Variants in TNFSF4 observed in about 807,000 individuals in gnomAD.
TNFSF4 encodes the protein tumor necrosis factor ligand superfamily member 4.
A neutral mutation model predicts 7.3 loss-of-function variants in TNFSF4; 4 were observed. The ratio of observed to expected loss-of-function variants is 0.55; its 90% CI spans 0.27 to 1.25. The LOEUF (loss-of-function observed/expected upper bound fraction) is 1.25. TNFSF4 is among the 50% of genes most tolerant of loss of function. The probability of loss-of-function intolerance (pLI) is 0.12; values close to 1 mark genes in which losing one functional copy is unlikely to be tolerated. For missense variants in TNFSF4, 181 were observed against 208.8 expected (o/e 0.87, Z 0.82); for synonymous variants, 76 against 83.7 (o/e 0.91, Z 0.50).
the TNFSF4 span, among the ~76,000 whole-genome samples, chr1:173,432,894 T>C: frequency 6.6e-6 from 1 of 152,210 alleles, no homozygotes; most frequent in Non-Finnish European, 1.5e-5. Context: ...GTATTTGCTA[T>C]TAAGAGAAGA....
At chr1:173,426,356 GGTCAGAGATACCTT>G in the TNFSF4 span, among the ~76,000 whole-genome samples, 2 of 152,074 alleles carry the variant, frequency 1.3e-5, no homozygotes, top group African/African-American at 2.4e-5. Context: ...GACAGGAGGT[GGTCAGAGATACCTT>G]GTTTCCATGG....
At chr1:173,441,124 C>T in the TNFSF4 span, among the ~76,000 whole-genome samples, 1 of 152,194 alleles carries the variant, frequency 6.6e-6, no homozygotes, top group African/African-American at 2.4e-5. Flanking sequence ...AACAGTTCAA[C>T]TCCAACCACC....
chr1:173,202,075 A>T (rs1260430952), intron 1 of TNFSF4, among the ~76,000 whole-genome samples: 1 of 150,596 alleles, frequency 6.6e-6, no homozygotes, highest in Non-Finnish European at 1.5e-5. Flanking sequence ...ATATATACAC[A>T]CACACATACA....
At chr1:173,252,968 C>A in the TNFSF4 span, among the ~76,000 whole-genome samples, 2 of 152,202 alleles carry the variant, frequency 1.3e-5, no homozygotes, top group Admixed American at 1.3e-4. Context: ...ATGGGCTCAG[C>A]CATGGTCAAA....
intron 1 of TNFSF4, chr1:173,205,416 C>A (rs1337456160): frequency 1.9e-6 from 3 of 1,601,476 alleles, no homozygotes; most frequent in African/African-American, 2.7e-5. Flanking sequence ...CCCTCTTTTT[C>A]TCAACATCTC....
the TNFSF4 span, among the ~76,000 whole-genome samples, chr1:173,257,779 C>T: frequency 6.6e-6 from 1 of 152,140 alleles, no homozygotes; most frequent in Admixed American, 6.5e-5. Flanking sequence ...ACTAGAGAGG[C>T]TCACCCAAGC....
the TNFSF4 span, among the ~76,000 whole-genome samples, chr1:173,370,192 G>T: frequency 6.6e-6 from 1 of 152,290 alleles, no homozygotes; most frequent in South Asian, 2.1e-4. Flanking sequence ...AGGGTCTAGG[G>T]CAAACCTTCA....
chr1:173,322,169 T>G, the TNFSF4 span, among the ~76,000 whole-genome samples: 1 of 151,876 alleles, frequency 6.6e-6, no homozygotes, highest in East Asian at 1.9e-4. Flanking sequence ...TTTGCAGGGG[T>G]GTGGATGAAG....
the TNFSF4 span, among the ~76,000 whole-genome samples, chr1:173,176,777 G>A: frequency 1.3e-5 from 2 of 152,128 alleles, no homozygotes; most frequent in African/African-American, 4.8e-5. Flanking sequence ...ATATACCATG[G>A]ACTACTACAC....
intron 2 of TNFSF4, 66 bp downstream of exon 2, chr1:173,188,455 A>G: frequency 7.9e-7 from 1 of 1,266,740 alleles, no homozygotes. Flanking sequence ...TTCTAGAGGA[A>G]ATTAAGAGAC....
At chr1:173,433,725 C>T in the TNFSF4 span, among the ~76,000 whole-genome samples, 1 of 152,002 alleles carries the variant, frequency 6.6e-6, no homozygotes, top group African/African-American at 2.4e-5. Context: ...AAGAAACTGA[C>T]TGACTCAACT....
chr1:173,231,148 A>G, the TNFSF4 span, among the ~76,000 whole-genome samples: 14 of 151,896 alleles, frequency 9.2e-5, no homozygotes, highest in Middle Eastern at 6.8e-3. Context: ...ACAAAAAAAG[A>G]GAATTTTAGA....
chr1:173,206,801 C>CCTCTGCCCTACCTCCA (rs1194809792), intron 1 of TNFSF4, among the ~76,000 whole-genome samples: 1 of 152,126 alleles, frequency 6.6e-6, no homozygotes, highest in Non-Finnish European at 1.5e-5. Flanking sequence ...AGAAGCTGTG[C>CCTCTGCCCTACCTCCA]CTCTGCCCTA....
chr1:173,178,042 A>T, the TNFSF4 span, among the ~76,000 whole-genome samples: 4 of 152,176 alleles, frequency 2.6e-5, no homozygotes, highest in Non-Finnish European at 4.4e-5. Context: ...ACACATTTTA[A>T]TACCCTCTCC....
At chr1:173,309,784 C>T in the TNFSF4 span, among the ~76,000 whole-genome samples, 1 of 151,856 alleles carries the variant, frequency 6.6e-6, no homozygotes, top group South Asian at 2.1e-4. Context: ...TTTAACAGGA[C>T]TCACCAGTGA....
the TNFSF4 span, among the ~76,000 whole-genome samples, chr1:173,294,422 T>G: frequency 6.6e-6 from 1 of 151,726 alleles, no homozygotes; most frequent in Admixed American, 6.6e-5. Flanking sequence ...CAGACACAGA[T>G]ATAGGAACAA....
the TNFSF4 span, among the ~76,000 whole-genome samples, chr1:173,392,016 T>C: frequency 6.6e-6 from 1 of 152,206 alleles, no homozygotes; most frequent in Non-Finnish European, 1.5e-5. Context: ...GAATATTGGC[T>C]ACAAACCCTG....
the TNFSF4 span, among the ~76,000 whole-genome samples, chr1:173,438,937 C>T: frequency 6.6e-6 from 1 of 152,174 alleles, no homozygotes; most frequent in Non-Finnish European, 1.5e-5. Flanking sequence ...CAGAGAGTAA[C>T]ATAAAGCACA....
chr1:173,198,920 A>G (rs1384171385), intron 1 of TNFSF4, among the ~76,000 whole-genome samples: 1 of 152,192 alleles, frequency 6.6e-6, no homozygotes, highest in Non-Finnish European at 1.5e-5. Context: ...GGTGGTGACA[A>G]TGATGACCAT....
Sources: allele counts gnomAD v4.1 joint callset (sites outside exome capture counted in the v4.1 genomes callset), GRCh38; gene constraint gnomAD v4.1.1; transcripts MANE v1.5; gene names NCBI Gene and HGNC (gene_info 2026-07-23, HGNC 2026-07-21).